The following CELSR2 variants were observed in gnomAD, a reference collection of about 807,000 sequenced individuals.
CELSR2 encodes the protein cadherin EGF LAG seven-pass G-type receptor 2, also known as EGF-like protein 2.
In CELSR2, 81 loss-of-function variants were observed where a neutral mutation model predicts 251.6. The observed-to-expected ratio is 0.32, with a 90% CI of 0.27 to 0.39. The LOEUF is 0.39. Among genes scored for constraint, CELSR2 ranks in the 10% least tolerant of loss-of-function variants. CELSR2 has a pLI of 1.00. For missense variants in CELSR2, 3,365 were observed against 3,947.7 expected (o/e 0.85, Z 3.96); for synonymous variants, 1,721 against 1,670.5 (o/e 1.03, Z -0.74).
intron 2 of CELSR2, among the ~76,000 whole-genome samples, chr1:109,260,364 C>A (rs934215298): frequency 6.6e-6 from 1 of 152,162 alleles, no homozygotes. Flanking sequence ...TCTCAGGGCT[C>A]AGTTTCCCAC....
At chr1:109,266,308 C>T in intron 15 of CELSR2, 102 bp downstream of exon 15, 1 of 1,395,776 alleles carries the variant, frequency 7.2e-7, no homozygotes, top group South Asian at 1.4e-5. Context: ...ACCCCACTTT[C>T]TGGCCTCCAG....
At position 109,274,378 on chromosome 1, in the gene CELSR2, T is replaced by TA. The variant is rs1257581656; in HGVS notation, c.*330dup. On this transcript the variant is annotated 3_prime_UTR_variant, in exon 34 of 34. Transcript: ENST00000271332. ...CATGACTTCAGGGATTCATTTTTTT[T>TA]ATACGCTGGAAATTGACTCCCCTTT... is the stretch of plus-strand genomic sequence containing the variant. The TA allele has an allele frequency of 3.5e-5, 15 of 422,980 alleles. No homozygotes were observed. The highest frequency in any genetic ancestry group is 2.1e-5 in the Non-Finnish European group (5 of 241,634). The allele number at this position is 422,980 out of a possible 1,614,324, so 26.2% of individuals were successfully genotyped here.
At chr1:109,260,563 A>G (rs955627076) in intron 2 of CELSR2, among the ~76,000 whole-genome samples, 3 of 152,142 alleles carry the variant, frequency 2.0e-5, no homozygotes, top group Admixed American at 2.0e-4. Flanking sequence ...GAGAGGGACA[A>G]AAGCACCAGT....
chr1:109,250,106 C>T lies in CELSR2; in HGVS notation c.27C>T (p.Pro9=), dbSNP rs1570772467. 2.6e-6 allele frequency: 4 copies of T among 1,551,388 alleles called. No individual in the cohort carries two copies. Among genetic ancestry groups the T allele is most frequent in the Non-Finnish European group, 3.5e-6 (4 of 1,153,826 alleles). MRSPATGV[P]LPTPPPPLLL... is the part of the protein sequence containing the mutation. ...TGCGGAGCCCGGCCACCGGCGTCCC[C>T]CTCCCAACGCCGCCGCCGCCGCTGC... The change falls in exon 1 of 34, where the codon CCC becomes CCT. Residue 9 remains proline (P), a synonymous_variant. Transcript: ENST00000271332. This position sits in a 1 kb window ranked among gnomAD's most constrained non-coding sequence, Gnocchi z 4.4.
intron 11 of CELSR2, 116 bp from the exon 12 acceptor site, chr1:109,264,752 C>G: frequency 6.3e-7 from 1 of 1,584,510 alleles, no homozygotes; most frequent in South Asian, 1.1e-5. Flanking sequence ...GCCTACACAA[C>G]AAAGCCATAG....
Position 109,273,658 on chromosome 1 carries a change from C to T in CELSR2, c.8732C>T (p.Ser2911Leu), listed in dbSNP as rs1333999813. The T allele has an allele frequency of 4.2e-6, 6 of 1,414,072 alleles. No homozygotes were observed. The highest frequency in any genetic ancestry group is 4.7e-6 in the Non-Finnish European group (5 of 1,059,354). 87.6% of individuals were successfully genotyped at this position (1,414,072 alleles called of 1,614,324 possible). A position where few individuals can be genotyped will look rare whatever the true frequency, so the allele number is the denominator to read the frequency against. ...AAGGCAGGCACGGTGGATGAGGACTCGTCAGGCTCCGAGTGAGTGTGGCCG... is the reference window on the plus strand; with the variant it reads ...AAGGCAGGCACGGTGGATGAGGACTTGTCAGGCTCCGAGTGAGTGTGGCCG... ...SIKAGTVDED[S>L]SGSEFLFFNF... Residue 2911 changes from serine to leucine, a missense_variant, in exon 33 of 34, where the codon TCG (serine) becomes TTG (leucine). Ser to Leu is a moderately radical substitution (Grantham distance 145). This residue lies in a region of CELSR2 where 2,093 missense variants were observed against 2,382.8 expected (regional missense o/e 0.88). Transcript: ENST00000271332.
At position 109,271,734 on chromosome 1, in the gene CELSR2, A is replaced by G; in HGVS notation, c.7926+12A>G. The G allele has an allele frequency of 6.2e-7, 1 of 1,613,214 alleles. No homozygotes were observed. Among genetic ancestry groups the G allele is most frequent in the Non-Finnish European group, 8.5e-7 (1 of 1,179,726 alleles). Reference sequence around the variant, plus strand: ...CCACCCTGACCTCGGTGAGGGAGCCAGGGGTCTCAGGAGGGCGGTGAAGGG... The same window carrying G: ...CCACCCTGACCTCGGTGAGGGAGCCGGGGGTCTCAGGAGGGCGGTGAAGGG... On this transcript the variant is annotated intron_variant, in intron 28 of 33. Coordinates refer to ENST00000271332, the MANE Select transcript of CELSR2 (RefSeq NM_001408.3).
rs777086213 is a variant in CELSR2, at chr1:109,261,190, G to T, written c.4107G>T (p.Thr1369=). ...DFEKPYCQVT[T]RSFPAHSFIT... ...AGAAGCCCTACTGCCAGGTGACCACGCGCAGCTTCCCCGCCCACTCCTTCA... is the reference window on the plus strand; with the variant it reads ...AGAAGCCCTACTGCCAGGTGACCACTCGCAGCTTCCCCGCCCACTCCTTCA... The change falls in exon 3 of 34, where the codon ACG becomes ACT. Residue 1369 remains threonine (T), a synonymous_variant. Transcript: ENST00000271332. This position sits in a 1 kb window ranked among gnomAD's most constrained non-coding sequence, Gnocchi z 4.8. The T allele has an allele frequency of 6.2e-7, 1 of 1,614,016 alleles. No homozygotes were observed. The highest frequency in any genetic ancestry group is 1.3e-5 in the African/African-American group (1 of 74,936).
Position 109,263,254 on chromosome 1 carries a change from G to C in CELSR2, c.4821G>C (p.Lys1607Asn). ...SCECPLGFGG[K>N]SCAQEMANPQ... The stretch of plus-strand genomic sequence containing the variant: ...AGTGCCCCCTGGGCTTTGGGGGCAA[G>C]AGCTGCGCCCAGGGTAGGAGGGGCG... The change falls in exon 8 of 34, where the codon AAG becomes AAC. Residue 1607 changes from lysine to asparagine, a missense_variant. Lys to Asn is a moderately conservative substitution (Grantham distance 94, BLOSUM62 0). Coordinates refer to ENST00000271332, the MANE Select transcript of CELSR2 (RefSeq NM_001408.3). The C allele has an allele frequency of 1.9e-6, 3 of 1,583,092 alleles. No individual in the cohort carries two copies. The highest frequency in any genetic ancestry group is 2.6e-6 in the Non-Finnish European group (3 of 1,156,746).
rs1035966774 is a variant in CELSR2, at chr1:109,264,355, G to T, written c.5279G>T (p.Gly1760Val). 1.1e-5 allele frequency: 18 copies of T among 1,607,798 alleles called. No homozygotes were observed. The highest frequency in any genetic ancestry group is 1.5e-5 in the Non-Finnish European group (18 of 1,175,486). ...PAGGVARGFR[G>V]CLQGVRVSDT... ...GGCGGTGTGGCCCGTGGCTTTCGGG[G>T]CTGTTTGCAGGTGAGTGTCCTGCCC... The change falls in exon 10 of 34, where the codon GGC becomes GTC. Residue 1760 changes from glycine (G) to valine (V), a missense_variant. Transcript: ENST00000271332.
chr1:109,268,459 G>A, intron 17 of CELSR2, 122 bp from the exon 18 acceptor site: 3 of 1,312,152 alleles, frequency 2.3e-6, no homozygotes. Context: ...GGAGGCAACA[G>A]TGAGCACAGA....
intron 6 of CELSR2, 53 bp downstream of exon 6, chr1:109,262,497 G>A: frequency 6.3e-7 from 1 of 1,595,138 alleles, no homozygotes; most frequent in Non-Finnish European, 8.5e-7. Flanking sequence ...GGGCCAGGCA[G>A]GGAGGGAAGG....
rs745590762 is a variant in CELSR2 at position 109,268,695 on chromosome 1, G to T, written c.6433G>T (p.Ala2145Ser). ...AWLLQHYEAY[A>S]SALAQNMRHT... ...GCTGCTCCAGCACTATGAGGCCTAC[G>T]CCAGTGCCCTGGCCCAGAACATGCG... Residue 2145 changes from alanine (A) to serine (S), a missense_variant, in exon 18 of 34, where the codon GCC (alanine) becomes TCC (serine). Ala to Ser is a moderately conservative substitution (Grantham distance 99). Around this residue, in one of 5 missense-constraint regions of CELSR2, gnomAD observed 2,093 missense variants for 2,382.8 expected, o/e 0.88. Transcript: ENST00000271332. The T allele has an allele frequency of 6.2e-7, 1 of 1,613,788 alleles. No individual in the cohort carries two copies. Among genetic ancestry groups the T allele is most frequent in the Non-Finnish European group, 8.5e-7 (1 of 1,179,866 alleles).
chr1:109,265,294 G>A lies in CELSR2; in HGVS notation c.5710G>A (p.Gly1904Ser), dbSNP rs769274212. The A allele has an allele frequency of 6.2e-6, 10 of 1,606,984 alleles. No homozygotes were observed. The highest frequency in any genetic ancestry group is 4.5e-5 in the East Asian group (2 of 44,852). ...GFDPDCNKTS[G>S]ECHCKENHYR... ...TGACCCAGACTGCAACAAGACAAGC[G>A]GCGAGTGCCACTGCAAGGTGACAGC... Residue 1904 changes from glycine (G) to serine (S), a missense_variant, in exon 13 of 34, where the codon GGC becomes AGC. Gly to Ser is a moderately conservative substitution (Grantham distance 56). Transcript: ENST00000271332.
At position 109,263,738 on chromosome 1, in the gene CELSR2, G is replaced by T. The variant is rs752801433; in HGVS notation, c.4962G>T (p.Leu1654=). ...FRTRQADGVL[L]QAITRGRSTI... is the part of the protein sequence containing the mutation. ...CGCGCCAGGCCGACGGTGTCCTGCTGCAGGCCATCACCAGGGGGCGCAGCA... is the reference window on the plus strand; with the variant it reads ...CGCGCCAGGCCGACGGTGTCCTGCTTCAGGCCATCACCAGGGGGCGCAGCA... Residue 1654 remains leucine (L), a synonymous_variant, in exon 9 of 34, where the codon CTG becomes CTT. Coordinates refer to ENST00000271332, the MANE Select transcript of CELSR2 (RefSeq NM_001408.3). The T allele has an allele frequency of 6.2e-7, 1 of 1,613,776 alleles. No individual in the cohort carries two copies. The highest frequency in any genetic ancestry group is 1.1e-5 in the South Asian group (1 of 91,086).
In CELSR2 at chr1:109,252,996, A is replaced by G; in HGVS notation, c.2917A>G (p.Ile973Val). The G allele has an allele frequency of 6.2e-7, 1 of 1,612,220 alleles. No individual in the cohort carries two copies. Reference sequence around the variant, plus strand: ...CATCCCTGAGGTCTTTCAGCTGGACATCTTCTCCGGGGAGCTGACAGCCCT... The same window carrying G: ...CATCCCTGAGGTCTTTCAGCTGGACGTCTTCTCCGGGGAGCTGACAGCCCT... ...GNIPEVFQLD[I>V]FSGELTALVD... Residue 973 changes from isoleucine (I) to valine (V), a missense_variant, in exon 1 of 34, where the codon ATC (isoleucine) becomes GTC (valine). This residue lies in a region of CELSR2 where 505 missense variants were observed against 660.0 expected (regional missense o/e 0.77). Coordinates refer to ENST00000271332, the MANE Select transcript of CELSR2 (RefSeq NM_001408.3). The surrounding 1 kb of genome is among the most constrained non-coding windows in gnomAD (Gnocchi z 4.8).
At position 109,264,081 on chromosome 1, in the gene CELSR2, C is replaced by T. The variant is rs746194758; in HGVS notation, c.5005C>T (p.Arg1669Ter). ...TTTTCTTTCCTCCTGGTGTCAGCTA[C>T]GAGAGGGCCACGTGATGCTGAGCGT... The part of the protein sequence containing the change: ...RGRSTITLQL[R>*]EGHVMLSVEG... The change falls in exon 10 of 34, where the codon CGA (arginine) becomes TGA (stop). Residue 1669 changes from arginine to a stop codon, truncating the protein, a stop_gained. Coordinates refer to ENST00000271332, the MANE Select transcript of CELSR2 (RefSeq NM_001408.3). LOFTEE classifies it high-confidence loss of function. The T allele has an allele frequency of 1.9e-6, 3 of 1,573,070 alleles. No individual in the cohort carries two copies. Among genetic ancestry groups the T allele is most frequent in the Non-Finnish European group, 1.7e-6 (2 of 1,153,942 alleles).
chr1:109,257,445 C>G (rs1655890432), intron 1 of CELSR2, among the ~76,000 whole-genome samples: 1 of 151,754 alleles, frequency 6.6e-6, no homozygotes, highest in African/African-American at 2.4e-5. Flanking sequence ...AAATAAAATT[C>G]ATTCCCATGT....
Position 109,264,213 on chromosome 1 carries a change from GGCCAT to G in CELSR2, c.5143_5147del (p.Ala1715SerfsTer59). 1 of 1,613,606 alleles carries G rather than the reference GGCCAT, an allele frequency of 6.2e-7. No homozygotes were observed. The highest frequency in any genetic ancestry group is 8.5e-7 in the Non-Finnish European group (1 of 1,179,942). ...GGCACTGGGAGCCAGCGGGGGGCCC[GGCCAT>G]GCCATTCTGTCCTTCGATTATGGGC... On this transcript the variant is annotated frameshift_variant, in exon 10 of 34. Transcript: ENST00000271332. LOFTEE classifies it high-confidence loss of function.
Sources: gnomAD v4.1 joint callset for allele counts (sites outside exome capture counted in the v4.1 genomes callset) on GRCh38, gnomAD v4.1.1 for gene constraint, gnomAD v4.1.1 regional missense constraint, Gnocchi (gnomAD v3.1) non-coding constraint, MANE v1.5 for transcripts, NCBI Gene and HGNC (gene_info 2026-07-23, HGNC 2026-07-21) for gene names.